The following TMEM120B variants were observed in gnomAD, a reference collection of about 807,000 sequenced individuals.
TMEM120B encodes the protein transmembrane protein 120B.
A neutral mutation model predicts 55.5 loss-of-function variants in TMEM120B; 31 were observed. That is an observed-to-expected ratio of 0.56 (90% CI 0.42 to 0.75). TMEM120B has a LOEUF of 0.75. TMEM120B is among the 30% of genes least tolerant of loss of function. The probability of loss-of-function intolerance (pLI) is 0.00; values close to 1 mark genes in which losing one functional copy is unlikely to be tolerated. For synonymous variants in TMEM120B, 203 were observed against 176.3 expected (o/e 1.15, Z -1.20); for missense variants, 399 against 425.5 (o/e 0.94, Z 0.55).
chr12:121,760,034 G>A (rs1873618638), intron 5 of TMEM120B, among the ~76,000 whole-genome samples: 1 of 151,068 alleles, frequency 6.6e-6, no homozygotes, highest in South Asian at 2.1e-4. Context: ...AGGAGGCTGA[G>A]GCAGGAAAAT....
Position 121,743,758 on chromosome 12 carries a change from C to T in TMEM120B, c.188+11C>T, listed in dbSNP as rs781100293. ...GCTTACACTCCAGAGGTAGGTGCAGCTGTAGCCCGGGGGCTGCCCTGGTTC... is the reference window on the plus strand; with the variant it reads ...GCTTACACTCCAGAGGTAGGTGCAGTTGTAGCCCGGGGGCTGCCCTGGTTC... On this transcript the variant is annotated intron_variant, in intron 2 of 11. Transcript: ENST00000449592. 3 of 1,599,542 alleles carry T rather than the reference C, an allele frequency of 1.9e-6. No individual in the cohort carries two copies.
chr12:121,716,868 T>C (rs2136956256), intron 1 of TMEM120B, among the ~76,000 whole-genome samples: 1 of 152,262 alleles, frequency 6.6e-6, no homozygotes, highest in South Asian at 2.1e-4. Flanking sequence ...GCTTTCCTTT[T>C]TTGAATGAAG....
intron 1 of TMEM120B, among the ~76,000 whole-genome samples, chr12:121,714,559 T>TC (rs1224198146): frequency 7.2e-6 from 1 of 138,936 alleles, no homozygotes; most frequent in African/African-American, 2.6e-5. Context: ...AGCCACTTCT[T>TC]TTTTTTTTTT....
At chr12:121,773,554 G>C in intron 9 of TMEM120B, 41 bp downstream of exon 9, 3 of 1,462,090 alleles carry the variant, frequency 2.1e-6, no homozygotes, top group Non-Finnish European at 2.8e-6. Flanking sequence ...GCAGGTACTG[G>C]ACCTGCCAGC....
intron 5 of TMEM120B, 117 bp downstream of exon 5, chr12:121,752,340 G>A (rs1358780188): frequency 1.2e-6 from 1 of 832,430 alleles, no homozygotes; most frequent in East Asian, 2.5e-5. Flanking sequence ...TTGGCATGAT[G>A]AGGTGTAGGG....
chr12:121,722,177 C>T (rs184121744), intron 1 of TMEM120B, among the ~76,000 whole-genome samples: 5 of 150,904 alleles, frequency 3.3e-5, no homozygotes, highest in Admixed American at 2.0e-4. Flanking sequence ...CGGCTCACTG[C>T]AACCTCTGCC....
intron 5 of TMEM120B, among the ~76,000 whole-genome samples, chr12:121,759,246 G>A (rs1592942638): frequency 6.7e-6 from 1 of 148,234 alleles, no homozygotes; most frequent in South Asian, 2.1e-4. Context: ...CCCGTTAGTG[G>A]TGGTAGTATT....
Position 121,775,140 on chromosome 12 carries a change from G to A in TMEM120B, c.906+10G>A, listed in dbSNP as rs778836383. The A allele has an allele frequency of 1.2e-6, 2 of 1,604,274 alleles. No homozygotes were observed. The highest frequency in any genetic ancestry group is 1.7e-6 in the Non-Finnish European group (2 of 1,174,376). On this transcript the variant is annotated intron_variant, in intron 11 of 11. Transcript: ENST00000449592. This position sits in a 1 kb window ranked among gnomAD's most constrained non-coding sequence, Gnocchi z 4.3. ...ATGCAGAGAATGGCAGGTATGGGGG[G>A]TGGGGGCATGCTCGGGGGAGGTTCC...
chr12:121,727,528 C>A (rs1349387533), intron 1 of TMEM120B, among the ~76,000 whole-genome samples: 4 of 133,962 alleles, frequency 3.0e-5, no homozygotes, highest in Admixed American at 1.5e-4. Flanking sequence ...CAGAGAGAGA[C>A]CCTGTCTCAA....
chr12:121,772,730 C>A (rs755892679), intron 8 of TMEM120B, among the ~76,000 whole-genome samples: 8 of 152,222 alleles, frequency 5.3e-5, no homozygotes, highest in Non-Finnish European at 1.2e-4. Context: ...GCTGTATTGA[C>A]TTTTCAGATA....
At position 121,743,499 on chromosome 12, in the gene TMEM120B, A is replaced by G. The variant is rs902026124; in HGVS notation, c.70-130A>G. 10 of 611,134 alleles carry G rather than the reference A, an allele frequency of 1.6e-5. No homozygotes were observed. In the African/African-American group the frequency reaches 1.7e-4, roughly 10 times the overall value. The allele number at this position is 611,134 out of a possible 1,614,324, so 37.9% of individuals were successfully genotyped here. A position where few individuals can be genotyped will look rare whatever the true frequency, so the allele number is the denominator to read the frequency against. On this transcript the variant is annotated intron_variant, in intron 1 of 11. Coordinates refer to ENST00000449592, the MANE Select transcript of TMEM120B (RefSeq NM_001080825.2). ...CTTGAACCCAGGAGGCGGAGGTTGC[A>G]GTGAGCCAAGATCATGCCACTGCAC...
intron 5 of TMEM120B, among the ~76,000 whole-genome samples, chr12:121,761,365 C>G (rs1023919817): frequency 1.3e-5 from 2 of 152,148 alleles, no homozygotes; most frequent in Admixed American, 1.3e-4. Flanking sequence ...AGACAGGTTG[C>G]CCTGGGCTGA....
At chr12:121,721,226 T>G (rs1894783894) in intron 1 of TMEM120B, among the ~76,000 whole-genome samples, 1 of 152,210 alleles carries the variant, frequency 6.6e-6, no homozygotes. Context: ...TCGCCCAGGC[T>G]GGAATGCAGT....
intron 4 of TMEM120B, among the ~76,000 whole-genome samples, chr12:121,751,760 T>A (rs941274506): frequency 6.7e-6 from 1 of 148,952 alleles, no homozygotes; most frequent in African/African-American, 2.5e-5. Flanking sequence ...ATCACACACA[T>A]AGGGAGATGG....
intron 6 of TMEM120B, among the ~76,000 whole-genome samples, chr12:121,762,155 G>C (rs1873700087): frequency 6.6e-6 from 1 of 151,764 alleles, no homozygotes; most frequent in Non-Finnish European, 1.5e-5. Flanking sequence ...AGCCGGGTGT[G>C]GTCCCAGCTA....
chr12:121,764,386 GGT>G (rs1873778563), intron 6 of TMEM120B, among the ~76,000 whole-genome samples: 2 of 152,288 alleles, frequency 1.3e-5, no homozygotes, highest in Non-Finnish European at 2.9e-5. Context: ...CGGGCGTGGT[GGT>G]GCATGCCTGT....
intron 1 of TMEM120B, among the ~76,000 whole-genome samples, chr12:121,722,797 C>T (rs374757648): frequency 3.3e-5 from 5 of 151,338 alleles, no homozygotes; most frequent in African/African-American, 7.3e-5. Flanking sequence ...AGGAAGGTCT[C>T]GCTGAAAATA....
chr12:121,763,457 T>A (rs1271713996), intron 6 of TMEM120B, among the ~76,000 whole-genome samples: 1 of 151,568 alleles, frequency 6.6e-6, no homozygotes, highest in African/African-American at 2.4e-5. Flanking sequence ...CCACTGCACC[T>A]GGCCGAGATG....
intron 5 of TMEM120B, among the ~76,000 whole-genome samples, chr12:121,753,478 G>A (rs1373140213): frequency 6.6e-6 from 1 of 152,058 alleles, no homozygotes; most frequent in African/African-American, 2.4e-5. Context: ...GGTTGAGGCA[G>A]GAGAATCACT....
Sources: allele counts gnomAD v4.1 joint callset (sites outside exome capture counted in the v4.1 genomes callset), GRCh38; gene constraint gnomAD v4.1.1; non-coding constraint Gnocchi (gnomAD v3.1); transcripts MANE v1.5; gene names NCBI Gene and HGNC (gene_info 2026-07-23, HGNC 2026-07-21).